The following MFSD12 variants were observed in gnomAD, a reference collection of about 807,000 sequenced individuals.
MFSD12 encodes the protein major facilitator superfamily domain-containing protein 12.
MFSD12 carries 67 observed loss-of-function variants against 51.2 expected under a neutral mutation model. The observed-to-expected ratio is 1.31, with a 90% CI of 1.08 to 1.60. MFSD12 has a LOEUF of 1.60. Among genes scored for constraint, MFSD12 ranks in the 40% most tolerant of loss-of-function variants. The pLI, the probability that MFSD12 is intolerant of heterozygous loss-of-function variation, is 0.00. For missense variants in MFSD12, 921 were observed against 673.0 expected (o/e 1.37, Z -4.08); for synonymous variants, 441 against 316.7 (o/e 1.39, Z -4.17).
chr19:3,550,583 A>G (rs999585458), intron 2 of MFSD12, among the ~76,000 whole-genome samples: 12 of 151,918 alleles, frequency 7.9e-5, no homozygotes, highest in South Asian at 2.1e-4. Context: ...AGTAGAGACG[A>G]GGTTTCACGT....
At chr19:3,542,092 G>C (rs2030465697), downstream of MFSD12, 2 of 983,654 alleles carry the variant, frequency 2.0e-6, no homozygotes, top group Non-Finnish European at 1.2e-6. Flanking sequence ...TTACAGGCAT[G>C]AGCCACTGCG....
intron 4 of MFSD12, chr19:3,538,895 G>A (rs767334167): frequency 6.2e-5 from 40 of 648,944 alleles, no homozygotes; most frequent in Non-Finnish European, 9.3e-5. Context: ...TCAAGGGGGT[G>A]TGGAGATGGA....
chr19:3,540,492 A>AGG (rs2030294269), downstream of MFSD12, among the ~76,000 whole-genome samples: 1 of 151,030 alleles, frequency 6.6e-6, no homozygotes, highest in Non-Finnish European at 1.5e-5. Context: ...TCCTGACCTC[A>AGG]TGATCTGCCC....
chr19:3,545,226 C>G (rs1291983439), intron 8 of MFSD12, among the ~76,000 whole-genome samples: 1 of 152,232 alleles, frequency 6.6e-6, no homozygotes, highest in Non-Finnish European at 1.5e-5. Context: ...CAGGCTGCAA[C>G]TTCTCCCCCA....
chr19:3,541,814 TTTTG>T (rs562135810), downstream of MFSD12: 462 of 984,440 alleles, frequency 4.7e-4, 1 homozygote, highest in African/African-American at 7.2e-3. Flanking sequence ...TTCTGTGCTG[TTTTG>T]TTTGTGTTGA....
intron 1 of MFSD12, among the ~76,000 whole-genome samples, chr19:3,552,467 C>T (rs1201148222): frequency 5.5e-4 from 36 of 65,226 alleles, no homozygotes; most frequent in Non-Finnish European, 6.8e-4. Context: ...CGCGCCCCGC[C>T]TTTTTTTTTT....
chr19:3,542,234 C>G (rs1279276637), downstream of MFSD12: 2 of 985,358 alleles, frequency 2.0e-6, no homozygotes, highest in Non-Finnish European at 2.4e-6. Context: ...ATGTGGGGTC[C>G]CTCAAACAGG....
At chr19:3,543,522 C>A (rs1240599827), downstream of MFSD12, 1 of 1,421,418 alleles carries the variant, frequency 7.0e-7, no homozygotes, top group Admixed American at 2.2e-5. Context: ...CAGAGGGGGA[C>A]AGGAATGACC....
rs1278700826 is a variant in MFSD12 at position 3,546,319 on chromosome 19, G to C, written c.1130C>G (p.Ala377Gly). 1.2e-6 allele frequency: 2 copies of C among 1,608,468 alleles called. No homozygotes were observed. The highest frequency in any genetic ancestry group is 2.2e-5 in the East Asian group (1 of 44,682). The change falls in exon 7 of 10, where the codon GCT (alanine) becomes GGT (glycine). Residue 377 changes from alanine (A) to glycine (G), a missense_variant. Transcript: ENST00000355415. Reference sequence around the variant, plus strand: ...GGTGACGAGGATGGTGGCACAGCCAGCACCCAGCAGCACAGCCGCTGCGTA... The same window carrying C: ...GGTGACGAGGATGGTGGCACAGCCACCACCCAGCAGCACAGCCGCTGCGTA... Reference protein sequence around the residue: ...AVYAAAVLLGAGCATILVTSL... With the variant: ...AVYAAAVLLGGGCATILVTSL...
intron 8 of MFSD12, 24 bp downstream of exon 8, chr19:3,546,050 G>A: frequency 6.2e-7 from 1 of 1,610,520 alleles, no homozygotes; most frequent in Non-Finnish European, 8.5e-7. Context: ...ACAAAAGAAT[G>A]AATGAACGAA....
Position 3,551,811 on chromosome 19 carries a change from G to A in MFSD12, c.299-617C>T, listed in dbSNP as rs879879095. Among the ~76,000 whole-genome samples, 5 of 152,064 alleles carry A rather than the reference G, an allele frequency of 3.3e-5. No homozygotes were observed. Among genetic ancestry groups the A allele is most frequent in the Non-Finnish European group, 5.9e-5 (4 of 68,006 alleles). On this transcript the variant is annotated intron_variant, in intron 1 of 9. Coordinates refer to ENST00000355415, the MANE Select transcript of MFSD12 (RefSeq NM_174983.5). This position sits in a 1 kb window ranked among gnomAD's most constrained non-coding sequence, Gnocchi z 4.6. ...CTTTGCGACCTGCCCTGTCCCCTCC[G>A]TGCCCTGCCCTGCCCTTCCCTCTCT...
intron 4 of MFSD12, chr19:3,538,939 TG>T (rs1568246075): frequency 1.5e-6 from 1 of 650,832 alleles, no homozygotes; most frequent in Non-Finnish European, 2.8e-6. Context: ...TGCATAGAGC[TG>T]GGGGCTCAGG....
chr19:3,541,242 A>G (rs554037354), downstream of MFSD12, among the ~76,000 whole-genome samples: 33 of 151,156 alleles, frequency 2.2e-4, no homozygotes, highest in African/African-American at 7.3e-4. Flanking sequence ...AGGCTGAGGT[A>G]GGAGGATCGC....
chr19:3,550,809 C>G (rs1288219976), intron 2 of MFSD12, among the ~76,000 whole-genome samples, 175 bp downstream of exon 2: 11 of 151,864 alleles, frequency 7.2e-5, no homozygotes, highest in Non-Finnish European at 1.5e-4. Flanking sequence ...GCCGAGATCA[C>G]CCCACTGCAC....
At chr19:3,543,074 G>T, downstream of MFSD12, 3 of 1,587,310 alleles carry the variant, frequency 1.9e-6, no homozygotes, top group Non-Finnish European at 2.6e-6. Flanking sequence ...CCACTCTGGG[G>T]TGAGGGGTAC....
rs1213877929 is a variant in MFSD12 at position 3,548,213 on chromosome 19, C to A, written c.564G>T (p.Leu188=). The change falls in exon 3 of 10, where the codon CTG becomes CTT. Residue 188 remains leucine (L), a synonymous_variant. Coordinates refer to ENST00000355415, the MANE Select transcript of MFSD12 (RefSeq NM_174983.5). ...NITVYGAAWL[L]LHLQGSSRVE... ...CCCGCGACGAGCCCTGCAGGTGCAG[C>A]AGGAGCCAGGCGGCGCCGTAGACGG... The A allele has an allele frequency of 1.3e-6, 2 of 1,561,002 alleles. No individual in the cohort carries two copies. Among genetic ancestry groups the A allele is most frequent in the Non-Finnish European group, 1.7e-6 (2 of 1,153,854 alleles).
At chr19:3,542,161 CATTTCAAAAG>C, downstream of MFSD12, 1 of 985,342 alleles carries the variant, frequency 1.0e-6, no homozygotes. Context: ...TCTTGCAATT[CATTTCAAAAG>C]GGTGAGGTTC....
chr19:3,548,804 AG>A (rs2145201328), intron 2 of MFSD12, among the ~76,000 whole-genome samples: 1 of 152,328 alleles, frequency 6.6e-6, no homozygotes, highest in East Asian at 1.9e-4. Flanking sequence ...AATGGCACGT[AG>A]GAAGTGCCTG....
At chr19:3,557,047 G>A (rs2031763048) in intron 1 of MFSD12, 59 bp downstream of exon 1, 12 of 1,299,954 alleles carry the variant, frequency 9.2e-6, no homozygotes, top group Non-Finnish European at 1.2e-5. Context: ...GGGAGGAGGC[G>A]CCCGGGTCGC....
Sources: allele counts gnomAD v4.1 joint callset (sites outside exome capture counted in the v4.1 genomes callset), GRCh38; gene constraint gnomAD v4.1.1; non-coding constraint Gnocchi (gnomAD v3.1); transcripts MANE v1.5; gene names NCBI Gene and HGNC (gene_info 2026-07-23, HGNC 2026-07-21).